Variants in MYT1L observed in about 807,000 individuals in gnomAD.
MYT1L encodes myelin transcription factor 1 like.
In MYT1L, 12 loss-of-function variants were observed where a neutral mutation model predicts 126.7. The ratio of observed to expected loss-of-function variants is 0.09; its 90% CI spans 0.06 to 0.15. The LOEUF (loss-of-function observed/expected upper bound fraction) is 0.15. Ranked by LOEUF, MYT1L falls within the 10% of genes least tolerant of loss-of-function variation. MYT1L has a pLI of 1.00. For missense variants in MYT1L, 979 were observed against 1,585.2 expected (o/e 0.62, Z 6.49); for synonymous variants, 541 against 604.2 (o/e 0.90, Z 1.53).
Position 1,922,867 on chromosome 2 carries a change from A to G in MYT1L, c.902T>C (p.Met301Thr). 6.2e-7 allele frequency: 1 copy of G among 1,613,956 alleles called. No individual in the cohort carries two copies. The highest frequency in any genetic ancestry group is 8.5e-7 in the Non-Finnish European group (1 of 1,179,888). The change falls in exon 10 of 25, where the codon ATG (methionine) becomes ACG (threonine). Residue 301 changes from methionine to threonine, a missense_variant. Met to Thr is a moderately conservative substitution (Grantham distance 81, BLOSUM62 -1). This residue lies in a region of MYT1L where 243 missense variants were observed against 363.9 expected (regional missense o/e 0.67). Coordinates refer to ENST00000647738, the MANE Select transcript of MYT1L (RefSeq NM_001303052.2). The surrounding 1 kb of genome is among the most constrained non-coding windows in gnomAD (Gnocchi z 7.4). ...QQDSRNMNYV[M>T]LGKPMNNGLM... is the part of the protein sequence containing the mutation. ...TCCGTTGTTCATGGGCTTCCCCAAC[A>G]TGACGTAATTCATATTTCTACTGTC... is the stretch of plus-strand genomic sequence containing the variant.
At chr2:2,010,321 GT>G (rs2063708292) in intron 4 of MYT1L, among the ~76,000 whole-genome samples, 1 of 152,076 alleles carries the variant, frequency 6.6e-6, no homozygotes. Flanking sequence ...GAAGCCAAAT[GT>G]TTTCCCCCTA....
chr2:1,933,198 G>A (rs935376988), intron 9 of MYT1L, among the ~76,000 whole-genome samples: 20 of 152,066 alleles, frequency 1.3e-4, no homozygotes, highest in African/African-American at 4.8e-4. Flanking sequence ...AGCCCCCACC[G>A]AGATGACAGG....
intron 21 of MYT1L, among the ~76,000 whole-genome samples, chr2:1,830,989 T>C (rs1327228854): frequency 6.6e-6 from 1 of 152,178 alleles, no homozygotes; most frequent in Non-Finnish European, 1.5e-5. Context: ...CAGCTGAGTG[T>C]TGGGGACAAA....
At chr2:2,240,478 AG>A (rs1311783264) in intron 2 of MYT1L, among the ~76,000 whole-genome samples, 1 of 152,150 alleles carries the variant, frequency 6.6e-6, no homozygotes, top group East Asian at 1.9e-4. Flanking sequence ...TTTTAGATGG[AG>A]GGAATTTGGA....
At chr2:1,832,459 T>C (rs2148297240) in intron 21 of MYT1L, among the ~76,000 whole-genome samples, 1 of 152,308 alleles carries the variant, frequency 6.6e-6, no homozygotes, top group East Asian at 1.9e-4. Context: ...CTGCCAGCAT[T>C]GCCACCCGTG....
intron 1 of MYT1L, among the ~76,000 whole-genome samples, chr2:2,307,560 A>T (rs2095874955): frequency 6.6e-6 from 1 of 152,098 alleles, no homozygotes; most frequent in Non-Finnish European, 1.5e-5. Context: ...ACCTTCAGTA[A>T]TTTCACATTA....
intron 2 of MYT1L, among the ~76,000 whole-genome samples, chr2:2,201,475 G>A (rs1261926847): frequency 4.6e-5 from 7 of 152,074 alleles, no homozygotes; most frequent in South Asian, 2.1e-4. Flanking sequence ...CAAGGCAGGC[G>A]GATCACGAGG....
rs184022064 is a variant in MYT1L at position 2,277,130 on chromosome 2, C to T, written c.-421+7274G>A. On this transcript the variant is annotated intron_variant, in intron 2 of 24. Transcript: ENST00000647738. ...TCAAGTAGCTGGGACCACAGGCACC[C>T]GCCACCACCCCCGGCTAATTTTTTT... 4.4e-3 allele frequency among the ~76,000 whole-genome samples: 669 copies of T among 152,176 alleles called. 2 individuals carry two copies. Among genetic ancestry groups the T allele is most frequent in the African/African-American group, 0.015 (637 of 41,520 alleles).
At chr2:1,987,342 T>C (rs1479536903) in intron 5 of MYT1L, among the ~76,000 whole-genome samples, 1 of 152,024 alleles carries the variant, frequency 6.6e-6, no homozygotes, top group Non-Finnish European at 1.5e-5. Context: ...TGTTTTTTGT[T>C]TTTTTCTTTC....
At chr2:2,246,688 A>G (rs1446179722) in intron 2 of MYT1L, among the ~76,000 whole-genome samples, 2 of 152,200 alleles carry the variant, frequency 1.3e-5, no homozygotes, top group Non-Finnish European at 2.9e-5. Context: ...CATCCAGAAG[A>G]AGGCATGTGA....
At chr2:2,175,798 G>T (rs527542735) in intron 2 of MYT1L, among the ~76,000 whole-genome samples, 12 of 152,380 alleles carry the variant, frequency 7.9e-5, no homozygotes, top group African/African-American at 2.9e-4. Context: ...CACAGCAGCA[G>T]GGCTGGAGGG....
intron 1 of MYT1L, among the ~76,000 whole-genome samples, chr2:2,299,127 C>T (rs1052751023): frequency 1.3e-5 from 2 of 152,208 alleles, no homozygotes; most frequent in South Asian, 4.1e-4. Flanking sequence ...GCTGGGATTA[C>T]AGGCGTGAGC....
chr2:2,262,845 G>A (rs528888882), intron 2 of MYT1L, among the ~76,000 whole-genome samples: 19 of 143,704 alleles, frequency 1.3e-4, no homozygotes, highest in Admixed American at 6.3e-4. Flanking sequence ...TTTTTCTTTC[G>A]TAGATTATGT....
chr2:1,901,787 G>A (rs1416624550), intron 14 of MYT1L, among the ~76,000 whole-genome samples: 2 of 152,182 alleles, frequency 1.3e-5, no homozygotes, highest in African/African-American at 4.8e-5. Context: ...CACAATATGA[G>A]CAGCTGGGAT....
intron 2 of MYT1L, among the ~76,000 whole-genome samples, chr2:2,249,196 C>A (rs2094589825): frequency 6.6e-6 from 1 of 151,442 alleles, no homozygotes; most frequent in African/African-American, 2.4e-5. Flanking sequence ...TTAACATACA[C>A]AAATAAGTTG....
At chr2:1,826,586 C>T (rs908698480) in intron 21 of MYT1L, among the ~76,000 whole-genome samples, 1 of 152,152 alleles carries the variant, frequency 6.6e-6, no homozygotes, top group South Asian at 2.1e-4. Flanking sequence ...CTCCCAATTG[C>T]TTCCCGTCAA....
At chr2:1,905,136 T>C (rs2050877171) in intron 13 of MYT1L, among the ~76,000 whole-genome samples, 1 of 151,990 alleles carries the variant, frequency 6.6e-6, no homozygotes, top group African/African-American at 2.4e-5. Flanking sequence ...TGATCCTTTT[T>C]CAAAAAAATA....
chr2:1,963,582 T>C (rs2059126923), intron 8 of MYT1L, among the ~76,000 whole-genome samples: 1 of 152,256 alleles, frequency 6.6e-6, no homozygotes, highest in Non-Finnish European at 1.5e-5. Context: ...TGTGATTTAG[T>C]GTAGCTACCT....
chr2:1,840,900 CTT>C, intron 19 of MYT1L, 57 bp from the exon 20 acceptor site: 1 of 732,040 alleles, frequency 1.4e-6, no homozygotes, highest in Admixed American at 3.1e-5. Flanking sequence ...AGTGAGCTTT[CTT>C]TCTTTTTTTT....
Sources: gnomAD v4.1 joint callset for allele counts (sites outside exome capture counted in the v4.1 genomes callset) on GRCh38, gnomAD v4.1.1 for gene constraint, gnomAD v4.1.1 regional missense constraint, Gnocchi (gnomAD v3.1) non-coding constraint, MANE v1.5 for transcripts, NCBI Gene and HGNC (gene_info 2026-07-23, HGNC 2026-07-21) for gene names.